The following CPAMD8 variants were observed in gnomAD, a reference collection of about 807,000 sequenced individuals.
The protein encoded by CPAMD8 is C3 and PZP-like alpha-2-macroglobulin domain-containing protein 8.
CPAMD8 carries 146 observed loss-of-function variants against 224.7 expected under a neutral mutation model. That is an observed-to-expected ratio of 0.65 (90% CI 0.57 to 0.75). CPAMD8 has a LOEUF of 0.75. Among genes scored for constraint, CPAMD8 ranks in the 30% least tolerant of loss-of-function variants. The pLI, the probability that CPAMD8 is intolerant of heterozygous loss-of-function variation, is 0.00. For missense variants in CPAMD8, 2,301 were observed against 2,537.5 expected (o/e 0.91, Z 2.00); for synonymous variants, 966 against 1,044.6 (o/e 0.92, Z 1.45).
chr19:16,985,739 T>C (rs780206588), intron 13 of CPAMD8, among the ~76,000 whole-genome samples: 14 of 144,460 alleles, frequency 9.7e-5, no homozygotes, highest in South Asian at 2.2e-4. Flanking sequence ...AGTAGGTGGA[T>C]GGATGGGTGG....
chr19:16,918,442 CTTT>C (rs869059553), intron 27 of CPAMD8, among the ~76,000 whole-genome samples: 3 of 39,376 alleles, frequency 7.6e-5, no homozygotes, highest in Non-Finnish European at 2.0e-4. Flanking sequence ...ATTTTTAAAA[CTTT>C]TTTTTTTTTT....
chr19:17,022,238 C>A, intron 1 of CPAMD8, 57 bp from the exon 2 acceptor site: 1 of 1,567,686 alleles, frequency 6.4e-7, no homozygotes, highest in Non-Finnish European at 8.7e-7. Flanking sequence ...GTCTCGCTGC[C>A]ACCACAGCTA....
intron 20 of CPAMD8, 140 bp from the exon 21 acceptor site, chr19:16,947,367 T>C: frequency 1.9e-6 from 2 of 1,071,070 alleles, no homozygotes; most frequent in East Asian, 2.6e-5. Flanking sequence ...CCCGGGAAGG[T>C]CCCCTTTCCA....
rs373943547 is a variant in CPAMD8, at chr19:16,977,481, C to T, written c.1645G>A (p.Val549Met). ...CCAAGGGGGACCATGCTGGGGGTCA[C>T]GGCCAGATGAAGAGAGGTCACACAC... ...DVCVTSLHLAVTPSMVPLGRL... is the reference protein window; with the variant it reads ...DVCVTSLHLAMTPSMVPLGRL... Residue 549 changes from valine to methionine, a missense_variant, in exon 15 of 42, where the codon GTG becomes ATG. Val to Met is a conservative substitution (Grantham distance 21, BLOSUM62 1). Transcript: ENST00000443236. The T allele has an allele frequency of 3.6e-5, 58 of 1,611,598 alleles. No homozygotes were observed. The Middle Eastern group carries it at 3.5e-3, about 96-fold the overall frequency.
chr19:16,950,680 C>T (rs972069224), intron 20 of CPAMD8, among the ~76,000 whole-genome samples: 1 of 150,720 alleles, frequency 6.6e-6, no homozygotes, highest in Middle Eastern at 3.4e-3. Context: ...GTAGTCCCAT[C>T]TACTTGAGAG....
intron 23 of CPAMD8, among the ~76,000 whole-genome samples, chr19:16,932,403 A>G (rs2053571614): frequency 6.6e-6 from 1 of 152,258 alleles, no homozygotes; most frequent in South Asian, 2.1e-4. Flanking sequence ...CCTGGGCAAC[A>G]GAGTGAGATC....
intron 23 of CPAMD8, among the ~76,000 whole-genome samples, chr19:16,931,235 G>A (rs925196721): frequency 9.9e-5 from 15 of 152,138 alleles, no homozygotes; most frequent in African/African-American, 3.4e-4. Context: ...CAGGGAGCCT[G>A]AGATAGGTCG....
At chr19:17,015,430 A>T (rs999716887) in intron 3 of CPAMD8, among the ~76,000 whole-genome samples, 1 of 151,964 alleles carries the variant, frequency 6.6e-6, no homozygotes, top group Non-Finnish European at 1.5e-5. Context: ...TGTCATGACC[A>T]TTGTGTGGGT....
rs753404057 is a variant in CPAMD8 at position 16,896,153 on chromosome 19, T to TTACCC, written c.5426+22_5426+23insGGGTA. 38 of 1,613,192 alleles carry TTACCC rather than the reference T, an allele frequency of 2.4e-5. 2 individuals are homozygous for TTACCC. In the South Asian group the frequency reaches 3.8e-4, roughly 16 times the overall value. On this transcript the variant is annotated intron_variant, in intron 41 of 41. Transcript: ENST00000443236. ...AGATATTGAGCCTATGTCTCTTATC[T>TTACCC]CTGGGGTGGGCCCAGCTGTTACCTG... is the stretch of plus-strand genomic sequence containing the variant.
At chr19:16,914,387 C>T (rs780695359) in intron 29 of CPAMD8, 37 bp downstream of exon 29, 1 of 1,586,422 alleles carries the variant, frequency 6.3e-7, no homozygotes, top group Non-Finnish European at 8.7e-7. Flanking sequence ...CCTCCAGTGC[C>T]CAGCCCCGAG....
intron 35 of CPAMD8, 125 bp downstream of exon 35, chr19:16,902,524 C>A: frequency 1.6e-6 from 1 of 636,582 alleles, no homozygotes; most frequent in East Asian, 2.9e-5. Context: ...CTCAAAAAAA[C>A]AAAACAAAAC....
At position 16,898,130 on chromosome 19, in the gene CPAMD8, T is replaced by C. The variant is rs1041964979; in HGVS notation, c.4849-136A>G. On this transcript the variant is annotated intron_variant, in intron 37 of 41. Coordinates refer to ENST00000443236, the MANE Select transcript of CPAMD8 (RefSeq NM_015692.5). This position sits in a 1 kb window ranked among gnomAD's most constrained non-coding sequence, Gnocchi z 4.2. ...AAGAAACGTGATCCCATTTTCTTTT[T>C]TTCTTTTACTTTTCTTTTTTTTTTT... 3.2e-6 allele frequency: 2 copies of C among 617,790 alleles called. No individual in the cohort carries two copies. 38.3% of individuals were successfully genotyped at this position (617,790 alleles called of 1,614,324 possible).
chr19:16,901,421 G>A lies in CPAMD8; in HGVS notation c.4686-124C>T, dbSNP rs557828677. The stretch of plus-strand genomic sequence containing the variant: ...AGGAAGCCTGCCCTGGGGCCTGGCC[G>A]GCAGGCCAACAGCACACACATCCTT... On this transcript the variant is annotated intron_variant, in intron 35 of 41. Coordinates refer to ENST00000443236, the MANE Select transcript of CPAMD8 (RefSeq NM_015692.5). 20 of 706,642 alleles carry A rather than the reference G, an allele frequency of 2.8e-5. 1 individual carries two copies. The highest frequency in any genetic ancestry group is 2.7e-4 in the African/African-American group (15 of 55,292). The allele number at this position is 706,642 out of a possible 1,614,324, so 43.8% of individuals were successfully genotyped here. A position where few individuals can be genotyped will look rare whatever the true frequency, so the allele number is the denominator to read the frequency against.
At chr19:16,901,505 G>A (rs1353796575) in intron 35 of CPAMD8, among the ~76,000 whole-genome samples, 2 of 152,180 alleles carry the variant, frequency 1.3e-5, no homozygotes, top group African/African-American at 4.8e-5. Flanking sequence ...AGAGGGAAAG[G>A]GCCTTGCCAA....
chr19:17,005,590 C>T (rs141542026), intron 7 of CPAMD8, among the ~76,000 whole-genome samples: 113 of 152,244 alleles, frequency 7.4e-4, no homozygotes, highest in African/African-American at 2.6e-3. Context: ...CACATTGACT[C>T]TAGGCAGTGC....
intron 29 of CPAMD8, 79 bp downstream of exon 29, chr19:16,914,345 C>A (rs2052849476): frequency 8.4e-7 from 1 of 1,183,592 alleles, no homozygotes; most frequent in Non-Finnish European, 1.3e-6. Context: ...AGAAATCACC[C>A]CTGGCATAAA....
At chr19:16,984,877 A>T (rs2055658283) in intron 13 of CPAMD8, among the ~76,000 whole-genome samples, 1 of 152,228 alleles carries the variant, frequency 6.6e-6, no homozygotes, top group Non-Finnish European at 1.5e-5. Context: ...GCATGCACAC[A>T]CACTCACACA....
intron 24 of CPAMD8, among the ~76,000 whole-genome samples, chr19:16,928,558 A>G (rs557148247): frequency 6.6e-6 from 1 of 151,842 alleles, no homozygotes; most frequent in Non-Finnish European, 1.5e-5. Flanking sequence ...ATACTTCAAA[A>G]CCTACTTTGG....
At chr19:16,903,910 G>GT in intron 32 of CPAMD8, 53 bp from the exon 33 acceptor site, 1 of 1,569,518 alleles carries the variant, frequency 6.4e-7, no homozygotes, top group Non-Finnish European at 8.7e-7. Flanking sequence ...TTGGCCAGTG[G>GT]TCCCCTGAAC....
Sources: allele counts gnomAD v4.1 joint callset (sites outside exome capture counted in the v4.1 genomes callset), GRCh38; gene constraint gnomAD v4.1.1; non-coding constraint Gnocchi (gnomAD v3.1); transcripts MANE v1.5; gene names NCBI Gene and HGNC (gene_info 2026-07-23, HGNC 2026-07-21).